TBC1D19: variants seen among roughly 807,000 people sequenced by gnomAD.
TBC1D19 encodes TBC1 domain family, member 19.
In TBC1D19, 60 loss-of-function variants were observed where a neutral mutation model predicts 89.0. That is an observed-to-expected ratio of 0.67 (90% CI 0.55 to 0.84). The LOEUF (loss-of-function observed/expected upper bound fraction) is 0.84. Ranked by LOEUF, TBC1D19 falls within the 40% of genes least tolerant of loss-of-function variation. The pLI is 0.00. For synonymous variants in TBC1D19, 189 were observed against 199.7 expected (o/e 0.95, Z 0.45); for missense variants, 500 against 610.8 (o/e 0.82, Z 1.91).
chr4:26,778,508 T>C, the TBC1D19 span, among the ~76,000 whole-genome samples: 18 of 152,060 alleles, frequency 1.2e-4, no homozygotes, highest in East Asian at 1.4e-3. Flanking sequence ...AAAGATTATA[T>C]AATTTATTCA....
chr4:26,666,649 A>G (rs753134846), intron 9 of TBC1D19, among the ~76,000 whole-genome samples: 31 of 152,066 alleles, frequency 2.0e-4, no homozygotes, highest in Admixed American at 4.6e-4. Context: ...TTAGACATAT[A>G]TAAGTCATTT....
intron 1 of TBC1D19, among the ~76,000 whole-genome samples, chr4:26,604,231 G>A (rs1466645383): frequency 7.1e-6 from 1 of 140,654 alleles, no homozygotes. Context: ...TCGGCTCACT[G>A]CCAGCTCTGC....
chr4:26,620,728 A>G (rs780832631), intron 4 of TBC1D19, 40 bp downstream of exon 4: 2 of 1,574,224 alleles, frequency 1.3e-6, no homozygotes, highest in East Asian at 2.2e-5. Flanking sequence ...TTTCATGCCA[A>G]GTTATGTAAT....
At chr4:26,852,699 A>C in the TBC1D19 span, among the ~76,000 whole-genome samples, 1 of 151,598 alleles carries the variant, frequency 6.6e-6, no homozygotes, top group Non-Finnish European at 1.5e-5. Flanking sequence ...GGCTCACTGC[A>C]ACCTCTGCCT....
At chr4:26,632,145 G>T (rs1223490652) in intron 4 of TBC1D19, among the ~76,000 whole-genome samples, 1 of 151,892 alleles carries the variant, frequency 6.6e-6, no homozygotes, top group Non-Finnish European at 1.5e-5. Flanking sequence ...TGAATTTTTA[G>T]TAAGTTTTAT....
intron 16 of TBC1D19, among the ~76,000 whole-genome samples, chr4:26,738,729 A>G (rs1308690191): frequency 6.6e-6 from 1 of 152,116 alleles, no homozygotes; most frequent in Non-Finnish European, 1.5e-5. Flanking sequence ...GAAAAAATAA[A>G]AATTCTCACT....
chr4:26,841,307 A>G, the TBC1D19 span, among the ~76,000 whole-genome samples: 1 of 151,270 alleles, frequency 6.6e-6, no homozygotes. Context: ...AATTGCTTGA[A>G]CCTGGGAGGT....
At chr4:26,800,363 C>T in the TBC1D19 span, among the ~76,000 whole-genome samples, 1 of 152,214 alleles carries the variant, frequency 6.6e-6, no homozygotes, top group South Asian at 2.1e-4. Context: ...GCATAGTATT[C>T]CATGGTACAT....
At chr4:26,789,363 G>T in the TBC1D19 span, among the ~76,000 whole-genome samples, 1 of 152,164 alleles carries the variant, frequency 6.6e-6, no homozygotes, top group Non-Finnish European at 1.5e-5. Context: ...GTCACTTCCA[G>T]ATCTGGCCCA....
At chr4:26,628,016 TTAGG>T (rs1291366722) in intron 4 of TBC1D19, among the ~76,000 whole-genome samples, 1 of 152,204 alleles carries the variant, frequency 6.6e-6, no homozygotes, top group African/African-American at 2.4e-5. Context: ...TTTTATGGTT[TTAGG>T]TCTAACGTTT....
intron 4 of TBC1D19, among the ~76,000 whole-genome samples, chr4:26,626,102 A>G (rs1392676431): frequency 6.6e-6 from 1 of 152,074 alleles, no homozygotes; most frequent in South Asian, 2.1e-4. Context: ...GTATTCAATT[A>G]TTTATTTACA....
At chr4:26,778,826 A>T in the TBC1D19 span, among the ~76,000 whole-genome samples, 3 of 152,206 alleles carry the variant, frequency 2.0e-5, no homozygotes. Flanking sequence ...ACAATTTAAG[A>T]AACACTGGTC....
chr4:26,720,964 CACTATATCTAA>C (rs1306049417), intron 15 of TBC1D19, among the ~76,000 whole-genome samples: 2 of 152,074 alleles, frequency 1.3e-5, no homozygotes, highest in African/African-American at 4.8e-5. Context: ...CTTTACTGAT[CACTATATCTAA>C]AACTCATACG....
intron 13 of TBC1D19, among the ~76,000 whole-genome samples, chr4:26,713,204 C>T (rs746928801): frequency 4.0e-5 from 6 of 151,810 alleles, no homozygotes; most frequent in Non-Finnish European, 8.8e-5. Context: ...TTGATAATAT[C>T]GATTTTTAAA....
At chr4:26,658,425 T>A (rs1491003333) in intron 7 of TBC1D19, among the ~76,000 whole-genome samples, 2 of 152,180 alleles carry the variant, frequency 1.3e-5, no homozygotes, top group African/African-American at 4.8e-5. Flanking sequence ...TGGTGGCCTC[T>A]GTTCTGTTCC....
intron 7 of TBC1D19, among the ~76,000 whole-genome samples, chr4:26,644,585 A>G (rs1333941717): frequency 6.6e-6 from 1 of 152,142 alleles, no homozygotes; most frequent in Non-Finnish European, 1.5e-5. Flanking sequence ...CAATCAGGCA[A>G]GAGAAAGAAA....
At chr4:26,728,299 G>T (rs767647436) in intron 15 of TBC1D19, among the ~76,000 whole-genome samples, 3 of 152,102 alleles carry the variant, frequency 2.0e-5, no homozygotes, top group Non-Finnish European at 4.4e-5. Flanking sequence ...TCTGCTTTGA[G>T]ATTTAGTATT....
chr4:26,753,965 T>C, intron 20 of TBC1D19, 75 bp downstream of exon 20: 1 of 1,525,366 alleles, frequency 6.6e-7, no homozygotes, highest in African/African-American at 1.4e-5. Context: ...TAGTGTCTGT[T>C]GCATAGGACA....
chr4:26,596,818 A>G (rs532078562), intron 1 of TBC1D19, among the ~76,000 whole-genome samples: 1 of 152,178 alleles, frequency 6.6e-6, no homozygotes, highest in Admixed American at 6.5e-5. Context: ...ATGTTTTCTA[A>G]TATCTTCTAC....
Sources: gnomAD v4.1 joint callset for allele counts (sites outside exome capture counted in the v4.1 genomes callset) on GRCh38, gnomAD v4.1.1 for gene constraint, MANE v1.5 for transcripts, NCBI Gene and HGNC (gene_info 2026-07-23, HGNC 2026-07-21) for gene names.